Variants in LOC128125817 observed in about 807,000 individuals in gnomAD.
chr1:41,602,328 T>C, the LOC128125817 span, among the ~76,000 whole-genome samples: 1 of 152,196 alleles, frequency 6.6e-6, no homozygotes, highest in Non-Finnish European at 1.5e-5. Context: ...CAATGTTAAA[T>C]CTTTAAAAAA....
chr1:41,605,373 G>GCACA, the LOC128125817 span, among the ~76,000 whole-genome samples: 410 of 106,796 alleles, frequency 3.8e-3, no homozygotes, highest in African/African-American at 0.014. Flanking sequence ...ACACGCACAC[G>GCACA]CGCACACACA....
the LOC128125817 span, among the ~76,000 whole-genome samples, chr1:41,611,091 C>A: frequency 1.3e-5 from 2 of 152,202 alleles, no homozygotes; most frequent in Non-Finnish European, 2.9e-5. Flanking sequence ...AGAAGGGTGA[C>A]CCTTTGAGAA....
chr1:41,626,309 A>T, the LOC128125817 span, among the ~76,000 whole-genome samples: 5 of 152,224 alleles, frequency 3.3e-5, no homozygotes, highest in Admixed American at 2.6e-4. Context: ...CCTGGACTCC[A>T]GCAGCACCAA....
At chr1:41,624,412 C>T in the LOC128125817 span, among the ~76,000 whole-genome samples, 4 of 152,236 alleles carry the variant, frequency 2.6e-5, no homozygotes, top group Admixed American at 1.3e-4. Flanking sequence ...TGGGAACACA[C>T]TGAATATAGC....
the LOC128125817 span, among the ~76,000 whole-genome samples, chr1:41,589,091 G>A: frequency 6.6e-6 from 1 of 152,348 alleles, no homozygotes; most frequent in African/African-American, 2.4e-5. Context: ...CTGAGGGTAT[G>A]TGTGAAATTT....
At chr1:41,613,392 A>G in the LOC128125817 span, among the ~76,000 whole-genome samples, 3 of 152,210 alleles carry the variant, frequency 2.0e-5, no homozygotes, top group African/African-American at 7.2e-5. Context: ...ATCTTTTCAC[A>G]TGCCCATCTC....
chr1:41,620,371 A>C, the LOC128125817 span, among the ~76,000 whole-genome samples: 1 of 152,250 alleles, frequency 6.6e-6, no homozygotes, highest in Non-Finnish European at 1.5e-5. Flanking sequence ...TTTATTCTAA[A>C]GAGCAGCCCA....
the LOC128125817 span, among the ~76,000 whole-genome samples, chr1:41,605,465 A>T: frequency 2.0e-5 from 3 of 152,304 alleles, no homozygotes; most frequent in South Asian, 6.2e-4. Flanking sequence ...GTTTGTGTAC[A>T]TAACTGTATG....
At chr1:41,600,925 A>G in the LOC128125817 span, among the ~76,000 whole-genome samples, 1 of 152,092 alleles carries the variant, frequency 6.6e-6, no homozygotes, top group African/African-American at 2.4e-5. Flanking sequence ...ATTTTTATGT[A>G]TGGTTAATTT....
At chr1:41,625,574 G>A in the LOC128125817 span, among the ~76,000 whole-genome samples, 310 of 152,122 alleles carry the variant, frequency 2.0e-3, 2 homozygotes, top group Non-Finnish European at 3.4e-3. Flanking sequence ...ATAAATAAAT[G>A]TCAAAAACTA....
At chr1:41,609,028 G>A in the LOC128125817 span, among the ~76,000 whole-genome samples, 1 of 151,686 alleles carries the variant, frequency 6.6e-6, no homozygotes. Flanking sequence ...AGGTTGCAGT[G>A]AGCCTGGGCA....
At chr1:41,613,176 C>T in the LOC128125817 span, among the ~76,000 whole-genome samples, 8 of 152,360 alleles carry the variant, frequency 5.3e-5, no homozygotes, top group African/African-American at 9.6e-5. Flanking sequence ...TGACAAGCTG[C>T]GTCCTCTCCA....
the LOC128125817 span, among the ~76,000 whole-genome samples, chr1:41,589,580 A>G: frequency 6.6e-6 from 1 of 152,202 alleles, no homozygotes; most frequent in Admixed American, 6.5e-5. Flanking sequence ...CCCAGAGGAC[A>G]TTTCCAGAGG....
the LOC128125817 span, among the ~76,000 whole-genome samples, chr1:41,608,347 C>T: frequency 6.6e-6 from 1 of 152,212 alleles, no homozygotes; most frequent in Non-Finnish European, 1.5e-5. Context: ...AGCTGCCAAT[C>T]CTTCTTCTGG....
At chr1:41,627,329 T>C in the LOC128125817 span, among the ~76,000 whole-genome samples, 1 of 152,226 alleles carries the variant, frequency 6.6e-6, no homozygotes, top group Non-Finnish European at 1.5e-5. Flanking sequence ...AATTTGCCTC[T>C]TAAACCAGTA....
At chr1:41,587,131 C>A in the LOC128125817 span, among the ~76,000 whole-genome samples, 1 of 152,148 alleles carries the variant, frequency 6.6e-6, no homozygotes, top group Non-Finnish European at 1.5e-5. Flanking sequence ...AAAACTTTTT[C>A]ATGTAGCACT....
the LOC128125817 span, among the ~76,000 whole-genome samples, chr1:41,618,273 C>T: frequency 1.3e-5 from 2 of 152,244 alleles, no homozygotes; most frequent in African/African-American, 2.4e-5. Context: ...TCAGCAGACT[C>T]TGCGGTTATG....
the LOC128125817 span, among the ~76,000 whole-genome samples, chr1:41,605,347 T>C: frequency 2.0e-5 from 3 of 149,862 alleles, no homozygotes; most frequent in South Asian, 4.2e-4. Context: ...TGTGGTTACA[T>C]AGATATTACA....
chr1:41,620,134 AC>A, the LOC128125817 span, among the ~76,000 whole-genome samples: 1 of 152,084 alleles, frequency 6.6e-6, no homozygotes, highest in South Asian at 2.1e-4. Flanking sequence ...CACTGAAACG[AC>A]CCCAGGGAGG....
Sources: allele counts gnomAD v4.1 joint callset (sites outside exome capture counted in the v4.1 genomes callset), GRCh38; gene constraint gnomAD v4.1.1; transcripts MANE v1.5.